Variants in CHN2 observed in about 807,000 individuals in gnomAD.
CHN2 encodes chimerin 2.
A neutral mutation model predicts 56.3 loss-of-function variants in CHN2; 35 were observed. That is an observed-to-expected ratio of 0.62 (90% confidence interval 0.47 to 0.82). The LOEUF (loss-of-function observed/expected upper bound fraction) is 0.82, where lower values mean the gene tolerates loss of function less well. Among genes scored for constraint, CHN2 ranks in the 40% least tolerant of loss-of-function variants. The pLI is 0.00. For synonymous variants in CHN2, 210 were observed against 212.8 expected, an observed-to-expected ratio of 0.99 and a Z score of 0.12; for missense variants, 491 against 580.5, an observed-to-expected ratio of 0.85 and a Z score of 1.58.
chr7:29,281,593 C>T (rs1226793494), intron 1 of CHN2, among the ~76,000 whole-genome samples: 1 of 152,164 alleles, frequency 6.6e-6, no homozygotes, highest in African/African-American at 2.4e-5. Context: ...CAAGGTCTCC[C>T]GTGGCTATGA....
chr7:29,394,739 A>T (rs1801612164), intron 4 of CHN2, among the ~76,000 whole-genome samples: 1 of 152,224 alleles, frequency 6.6e-6, no homozygotes, highest in African/African-American at 2.4e-5. Context: ...CCTTGAAGAT[A>T]GCACAATTAA....
In CHN2 at chr7:29,402,463, G is replaced by A. The variant is rs192069421; in HGVS notation, c.576+1635G>A. Among the ~76,000 whole-genome samples the A allele has an allele frequency of 7.9e-5, 12 of 152,246 alleles. No individual in the cohort carries two copies. In the East Asian group the frequency reaches 1.7e-3, roughly 22 times the overall value. Reference sequence around the variant, plus strand: ...AGTCCCAACTTTCAGAGTTTGTTCCGGTCCAGACAAAAGCCATTCCTTAGT... The same window carrying A: ...AGTCCCAACTTTCAGAGTTTGTTCCAGTCCAGACAAAAGCCATTCCTTAGT... On this transcript the variant is annotated intron_variant, in intron 6 of 12. Coordinates refer to ENST00000222792, the MANE Select transcript of CHN2 (RefSeq NM_004067.4).
At chr7:29,483,785 C>A in intron 7 of CHN2, 1 of 1,143,992 alleles carries the variant, frequency 8.7e-7, no homozygotes. Context: ...GCCCGGCAGT[C>A]GGCTTGCTCG....
chr7:29,442,444 G>A (rs888324105), intron 6 of CHN2, among the ~76,000 whole-genome samples: 9 of 152,258 alleles, frequency 5.9e-5, no homozygotes, highest in African/African-American at 4.8e-5. Flanking sequence ...CTTTTATTTC[G>A]AAGGTGGATT....
At chr7:29,159,118 C>A (rs755529276) in intron 2 of CHN2, among the ~76,000 whole-genome samples, 1 of 152,202 alleles carries the variant, frequency 6.6e-6, no homozygotes, top group Non-Finnish European at 1.5e-5. Flanking sequence ...GGCTACACAG[C>A]ACAAGGAGCC....
intron 3 of CHN2, among the ~76,000 whole-genome samples, chr7:29,391,440 G>A (rs773947191): frequency 7.2e-5 from 11 of 152,164 alleles, no homozygotes; most frequent in Non-Finnish European, 1.5e-4. Flanking sequence ...AGGATGCCTA[G>A]TTAAATTTAA....
chr7:29,398,524 A>T, intron 5 of CHN2, 38 bp downstream of exon 5: 1 of 1,314,386 alleles, frequency 7.6e-7, no homozygotes, highest in Non-Finnish European at 1.1e-6. Context: ...ATTGCTGTAC[A>T]AGTGGCTTCA....
At chr7:29,413,120 C>T (rs1803404869) in intron 6 of CHN2, among the ~76,000 whole-genome samples, 1 of 152,174 alleles carries the variant, frequency 6.6e-6, no homozygotes, top group Non-Finnish European at 1.5e-5. Context: ...TTTTCTCTCT[C>T]CTTATACACA....
At chr7:29,270,217 G>T (rs558387651) in intron 1 of CHN2, among the ~76,000 whole-genome samples, 1 of 152,042 alleles carries the variant, frequency 6.6e-6, no homozygotes, top group African/African-American at 2.4e-5. Context: ...AACCTTGCTC[G>T]CTGGTAGTCT....
exon 1 of CHN2, chr7:29,146,745 G>T: frequency 6.5e-7 from 1 of 1,550,346 alleles, no homozygotes; most frequent in Non-Finnish European, 8.7e-7. Flanking sequence ...GTGCCATTCA[G>T]GTTGGTTTGT....
At chr7:29,480,504 C>T in intron 7 of CHN2, 148 bp downstream of exon 7, 1 of 839,986 alleles carries the variant, frequency 1.2e-6, no homozygotes, top group Non-Finnish European at 1.9e-6. Context: ...AACACCTGCG[C>T]TTTCTGTCAG....
chr7:29,248,759 TCAGG>T, intron 1 of CHN2, among the ~76,000 whole-genome samples: 1 of 152,194 alleles, frequency 6.6e-6, no homozygotes, highest in African/African-American at 2.4e-5. Flanking sequence ...CATACGATTC[TCAGG>T]CTCTACTTTG....
chr7:29,297,270 C>G (rs1361643728), intron 1 of CHN2, among the ~76,000 whole-genome samples: 1 of 152,212 alleles, frequency 6.6e-6, no homozygotes, highest in African/African-American at 2.4e-5. Flanking sequence ...TCTGTGGCCT[C>G]ACCCCCCATT....
intron 6 of CHN2, among the ~76,000 whole-genome samples, chr7:29,448,010 C>G (rs1585425350): frequency 1.3e-5 from 2 of 152,278 alleles, no homozygotes; most frequent in South Asian, 4.1e-4. Flanking sequence ...TTCTATTTGG[C>G]AAGTTTGTTT....
chr7:29,268,252 A>T (rs1230042083), intron 1 of CHN2, among the ~76,000 whole-genome samples: 3 of 148,352 alleles, frequency 2.0e-5, no homozygotes, highest in East Asian at 4.2e-4. Flanking sequence ...AATGGTTTTT[A>T]AAAAATGTCC....
At chr7:29,302,225 T>A (rs1310434367) in intron 1 of CHN2, among the ~76,000 whole-genome samples, 1 of 152,152 alleles carries the variant, frequency 6.6e-6, no homozygotes, top group Non-Finnish European at 1.5e-5. Flanking sequence ...CCGCCACCGC[T>A]GCTGCTGCAG....
chr7:29,322,254 G>A (rs966339174), intron 1 of CHN2, among the ~76,000 whole-genome samples: 1 of 152,228 alleles, frequency 6.6e-6, no homozygotes, highest in African/African-American at 2.4e-5. Context: ...GGAACGAAAT[G>A]TGTGGGCTCA....
intron 1 of CHN2, among the ~76,000 whole-genome samples, chr7:29,231,826 T>C (rs1313510488): frequency 6.6e-6 from 1 of 152,242 alleles, no homozygotes; most frequent in Non-Finnish European, 1.5e-5. Flanking sequence ...TGTATGTTGC[T>C]TGTTGTTCAT....
At chr7:29,360,513 C>T (rs899034012) in intron 2 of CHN2, among the ~76,000 whole-genome samples, 3 of 152,086 alleles carry the variant, frequency 2.0e-5, no homozygotes, top group African/African-American at 4.8e-5. Context: ...AGTGCAAAAC[C>T]CCGTCTCAAA....
Sources: gnomAD v4.1 joint callset for allele counts (sites outside exome capture counted in the v4.1 genomes callset) on GRCh38, gnomAD v4.1.1 for gene constraint, MANE v1.5 for transcripts, NCBI Gene and HGNC (gene_info 2026-07-23, HGNC 2026-07-21) for gene names.